Variants in MAN1A1 observed in about 807,000 individuals in gnomAD.
MAN1A1 encodes the protein mannosyl-oligosaccharide 1,2-alpha-mannosidase IA.
In MAN1A1, 29 loss-of-function variants were observed where a neutral mutation model predicts 70.8. That is an observed-to-expected ratio of 0.41 (90% CI 0.31 to 0.56). MAN1A1 has a LOEUF of 0.56. MAN1A1 is among the 20% of genes least tolerant of loss of function. MAN1A1 has a pLI of 0.29. For synonymous variants in MAN1A1, 349 were observed against 330.1 expected (o/e 1.06, Z -0.62); for missense variants, 747 against 841.3 (o/e 0.89, Z 1.39).
chr6:119,326,423 T>C (rs1263448781), intron 2 of MAN1A1, among the ~76,000 whole-genome samples: 2 of 152,174 alleles, frequency 1.3e-5, no homozygotes, highest in South Asian at 2.1e-4. Flanking sequence ...AAGTACAAAC[T>C]TACACAAACC....
At chr6:119,319,727 T>A (rs921565447) in intron 2 of MAN1A1, among the ~76,000 whole-genome samples, 5 of 152,174 alleles carry the variant, frequency 3.3e-5, no homozygotes, top group Admixed American at 1.3e-4. Context: ...CAACCAAACC[T>A]CTTTTTCCTT....
chr6:119,342,656 T>A (rs865800036), intron 2 of MAN1A1, among the ~76,000 whole-genome samples: 1 of 152,190 alleles, frequency 6.6e-6, no homozygotes, highest in Non-Finnish European at 1.5e-5. Flanking sequence ...CAGAGACAGG[T>A]AAGTGCATCC....
At chr6:119,219,933 GA>G (rs1213475938) in intron 6 of MAN1A1, among the ~76,000 whole-genome samples, 2 of 121,766 alleles carry the variant, frequency 1.6e-5, no homozygotes, top group Non-Finnish European at 3.7e-5. Context: ...CTTGTCTGGT[GA>G]TTTTTTTTTT....
intron 11 of MAN1A1, among the ~76,000 whole-genome samples, chr6:119,183,054 T>A (rs1236749476): frequency 6.6e-6 from 1 of 152,186 alleles, no homozygotes. Flanking sequence ...CAGCCACGGA[T>A]TCTCATGAGC....
intron 2 of MAN1A1, among the ~76,000 whole-genome samples, chr6:119,321,173 T>C (rs1772992944): frequency 6.6e-6 from 1 of 152,230 alleles, no homozygotes; most frequent in Admixed American, 6.5e-5. Context: ...TTATTTAAAA[T>C]AGGTCAGTAT....
At chr6:119,340,431 T>C (rs1446839985) in intron 2 of MAN1A1, among the ~76,000 whole-genome samples, 3 of 152,084 alleles carry the variant, frequency 2.0e-5, no homozygotes, top group East Asian at 3.9e-4. Flanking sequence ...CTTAGAAGAA[T>C]TGAGTGTTCT....
Position 119,349,039 on chromosome 6 carries a change from G to A in MAN1A1, c.27C>T (p.Leu9=). 1.5e-6 allele frequency: 2 copies of A among 1,336,340 alleles called. 1 individual carries two copies. The highest frequency in any genetic ancestry group is 4.1e-5 in the South Asian group (2 of 48,258). 82.8% of individuals were successfully genotyped at this position (1,336,340 alleles called of 1,614,324 possible). The change falls in exon 2 of 13, where the codon CTC becomes CTT. Residue 9 remains leucine (L), a synonymous_variant. Coordinates refer to ENST00000368468, the MANE Select transcript of MAN1A1 (RefSeq NM_005907.4). ...GGACGCCGCCCGCGGGGCTGCTGAA[G>A]AGCGGCAACAGGCCCCCCACGGGCA... The part of the protein sequence containing the change: MPVGGLLP[L]FSSPAGGVLG...
rs950486305 is a variant in MAN1A1 at position 119,348,741 on chromosome 6, C to A, written c.325G>T (p.Ala109Ser). ...EGRARRREEG[A>S]PGDPEAALED... Reference sequence around the variant, plus strand: ...AGGGCGGCCTCCGGGTCCCCGGGTGCCCCCTCCTCGCGGCGCCGGGCTCGC... The same window carrying A: ...AGGGCGGCCTCCGGGTCCCCGGGTGACCCCTCCTCGCGGCGCCGGGCTCGC... Residue 109 changes from alanine (A) to serine (S), a missense_variant, in exon 2 of 13, where the codon GCA (alanine) becomes TCA (serine). Around this residue, in one of 2 missense-constraint regions of MAN1A1, gnomAD observed 328 missense variants for 293.1 expected, o/e 1.12. Transcript: ENST00000368468. The A allele has an allele frequency of 1.3e-6, 2 of 1,567,130 alleles. No individual in the cohort carries two copies. The highest frequency in any genetic ancestry group is 2.8e-5 in the African/African-American group (2 of 71,318).
chr6:119,301,261 GTTCT>G (rs1218655644), intron 4 of MAN1A1, among the ~76,000 whole-genome samples: 3 of 152,126 alleles, frequency 2.0e-5, no homozygotes, highest in Non-Finnish European at 2.9e-5. Context: ...CTTAGTATAA[GTTCT>G]TTGTCAATAT....
In MAN1A1 at chr6:119,208,774, T is replaced by G. The variant is rs547829954; in HGVS notation, c.993-3892A>C. ...TGCTCTGGATTGATGGTGTATTCTT[T>G]CAAAATAATCTTAAATTAAGGTAAC... On this transcript the variant is annotated intron_variant, in intron 6 of 12. Transcript: ENST00000368468. Among the ~76,000 whole-genome samples, 6 of 152,262 alleles carry G rather than the reference T, an allele frequency of 3.9e-5. No homozygotes were observed. The South Asian group carries it at 1.2e-3, about 32-fold the overall frequency.
At chr6:119,279,572 T>C (rs9489658) in intron 5 of MAN1A1, among the ~76,000 whole-genome samples, 6,276 of 151,270 alleles carry the variant, frequency 0.041, 149 homozygotes, top group African/African-American at 0.054. Flanking sequence ...AATTTTAAAA[T>C]GTACACGTTC....
intron 5 of MAN1A1, among the ~76,000 whole-genome samples, chr6:119,282,125 G>A (rs766797084): frequency 6.6e-6 from 1 of 152,054 alleles, no homozygotes; most frequent in Non-Finnish European, 1.5e-5. Context: ...TTCCCTTTCC[G>A]TTAGGTTTCA....
rs1210130583 is a variant in MAN1A1 at position 119,179,788 on chromosome 6, A to T, written c.*31T>A. 9 of 1,592,718 alleles carry T rather than the reference A, an allele frequency of 5.7e-6. No individual in the cohort carries two copies. The highest frequency in any genetic ancestry group is 7.7e-6 in the Non-Finnish European group (9 of 1,162,118). The stretch of plus-strand genomic sequence containing the variant: ...AATTATTAAGGTATACAGTGAAGGG[A>T]ATGGAGCAGAATAAAATATAAAATG... On this transcript the variant is annotated 3_prime_UTR_variant, in exon 13 of 13. Coordinates refer to ENST00000368468, the MANE Select transcript of MAN1A1 (RefSeq NM_005907.4).
chr6:119,348,580 C>T lies in MAN1A1; in HGVS notation c.486G>A (p.Leu162=). The T allele has an allele frequency of 6.2e-7, 1 of 1,613,952 alleles. No individual in the cohort carries two copies. Among genetic ancestry groups the T allele is most frequent in the Non-Finnish European group, 8.5e-7 (1 of 1,179,908 alleles). Residue 162 remains leucine, a synonymous_variant, in exon 2 of 13, where the codon CTG becomes CTA. Transcript: ENST00000368468. The part of the protein sequence containing the change: ...LEKKKVAQDQ[L]RDKAPFRGLP... Reference sequence around the variant, plus strand: ...GGCCTCTGAACGGCGCCTTGTCACGCAGCTGGTCCTGGGCCACCTTCTTCT... The same window carrying T: ...GGCCTCTGAACGGCGCCTTGTCACGTAGCTGGTCCTGGGCCACCTTCTTCT...
chr6:119,307,650 A>G (rs776892667), intron 2 of MAN1A1, among the ~76,000 whole-genome samples: 21 of 152,198 alleles, frequency 1.4e-4, no homozygotes, highest in Non-Finnish European at 2.6e-4. Context: ...GAGTCTACAC[A>G]CCAATAATGG....
intron 6 of MAN1A1, among the ~76,000 whole-genome samples, chr6:119,247,888 T>C (rs1775210860): frequency 6.6e-6 from 1 of 152,196 alleles, no homozygotes; most frequent in Non-Finnish European, 1.5e-5. Context: ...TGAACTTAAA[T>C]AAAGGTTCTT....
chr6:119,199,781 G>A (rs1773667292), intron 8 of MAN1A1, among the ~76,000 whole-genome samples: 1 of 151,464 alleles, frequency 6.6e-6, no homozygotes, highest in Non-Finnish European at 1.5e-5. Flanking sequence ...GCATGGCATC[G>A]TGCACCTGTA....
intron 11 of MAN1A1, among the ~76,000 whole-genome samples, chr6:119,186,513 A>G (rs1368135984): frequency 2.0e-5 from 3 of 152,212 alleles, no homozygotes; most frequent in Non-Finnish European, 4.4e-5. Context: ...AGAACCATGT[A>G]GCATGCATTC....
intron 11 of MAN1A1, among the ~76,000 whole-genome samples, chr6:119,180,857 TGTTA>T (rs1562179448): frequency 6.6e-6 from 1 of 152,038 alleles, no homozygotes; most frequent in East Asian, 1.9e-4. Context: ...AATGAAAGTT[TGTTA>T]TAGAGTTTTA....
Sources: gnomAD v4.1 joint callset for allele counts (sites outside exome capture counted in the v4.1 genomes callset) on GRCh38, gnomAD v4.1.1 for gene constraint, gnomAD v4.1.1 regional missense constraint, MANE v1.5 for transcripts, NCBI Gene and HGNC (gene_info 2026-07-23, HGNC 2026-07-21) for gene names.